LNX1: variants seen among roughly 807,000 people sequenced by gnomAD.
LNX1 encodes E3 ubiquitin-protein ligase LNX.
LNX1 carries 54 observed loss-of-function variants against 68.4 expected under a neutral mutation model. That is an observed-to-expected ratio of 0.79 (90% CI 0.63 to 0.99). LNX1 has a LOEUF of 0.99. Ranked by LOEUF, LNX1 falls within the 50% of genes least tolerant of loss-of-function variation. The probability of loss-of-function intolerance (pLI) is 0.00; values close to 1 mark genes in which losing one functional copy is unlikely to be tolerated. For missense variants in LNX1, 906 were observed against 926.4 expected (o/e 0.98, Z 0.29); for synonymous variants, 336 against 350.0 (o/e 0.96, Z 0.45).
chr4:53,594,002 A>G (rs1732635716), upstream of LNX1: 1 of 149,650 alleles, frequency 6.7e-6, no homozygotes, highest in Non-Finnish European at 1.5e-5. Flanking sequence ...TCCTGGACAC[A>G]TTCAGCTTCT....
chr4:53,520,452 C>G (rs1309549723), intron 2 of LNX1, among the ~76,000 whole-genome samples: 1 of 152,158 alleles, frequency 6.6e-6, no homozygotes, highest in East Asian at 1.9e-4. Context: ...ACGCCAGAAT[C>G]GTTTGTTCAT....
At chr4:53,633,238 C>A (rs1734341514) in intron 1 of LNX1, among the ~76,000 whole-genome samples, 1 of 152,178 alleles carries the variant, frequency 6.6e-6, no homozygotes, top group African/African-American at 2.4e-5. Context: ...TGGCACATAA[C>A]AGGGATTCAG....
intron 1 of LNX1, among the ~76,000 whole-genome samples, chr4:53,630,640 C>T (rs546601055): frequency 7.9e-5 from 12 of 152,274 alleles, no homozygotes; most frequent in Non-Finnish European, 1.6e-4. Context: ...TTCAGGCACG[C>T]ATCACAGTGC....
chr4:53,590,417 G>C (rs1200889938), intron 1 of LNX1, among the ~76,000 whole-genome samples: 3 of 152,186 alleles, frequency 2.0e-5, no homozygotes, highest in African/African-American at 7.2e-5. Flanking sequence ...TCTTTTTCCA[G>C]TTTTTCCAGC....
chr4:53,611,937 T>C (rs968611797), intron 2 of LNX1, among the ~76,000 whole-genome samples: 3 of 152,112 alleles, frequency 2.0e-5, no homozygotes, highest in African/African-American at 7.2e-5. Context: ...AGAGATAATA[T>C]AAAAATGCAG....
At chr4:53,552,377 T>C (rs1289737495) in intron 2 of LNX1, among the ~76,000 whole-genome samples, 1 of 152,134 alleles carries the variant, frequency 6.6e-6, no homozygotes, top group East Asian at 1.9e-4. Context: ...TTTTCAAGGA[T>C]GATAGGAACT....
At chr4:53,585,933 G>A (rs562136587) in intron 1 of LNX1, among the ~76,000 whole-genome samples, 66 of 152,154 alleles carry the variant, frequency 4.3e-4, no homozygotes, top group Non-Finnish European at 6.9e-4. Flanking sequence ...TGGGGTGAAT[G>A]CTCCCAACGA....
At chr4:53,621,964 T>C (rs1733896828), upstream of LNX1, among the ~76,000 whole-genome samples, 1 of 152,102 alleles carries the variant, frequency 6.6e-6, no homozygotes, top group Admixed American at 6.5e-5. Context: ...CACCTGCCAA[T>C]AGGTTTTTTT....
chr4:53,561,758 A>G (rs6850277), intron 2 of LNX1, among the ~76,000 whole-genome samples: 91,589 of 151,984 alleles, frequency 0.6, 27,836 homozygotes, highest in East Asian at 0.73. Context: ...TTCACAGCTC[A>G]TTTCAAATTA....
intron 6 of LNX1, among the ~76,000 whole-genome samples, chr4:53,482,931 C>G (rs949663089): frequency 5.3e-5 from 8 of 152,190 alleles, no homozygotes; most frequent in Admixed American, 3.9e-4. Context: ...AGTTACTCTG[C>G]TAATTCTCTC....
chr4:53,541,110 C>T (rs961015986), intron 2 of LNX1, among the ~76,000 whole-genome samples: 1 of 143,334 alleles, frequency 7.0e-6, no homozygotes, highest in African/African-American at 2.6e-5. Flanking sequence ...GCACTCCAGC[C>T]TGGGTGACAG....
intron 6 of LNX1, among the ~76,000 whole-genome samples, chr4:53,486,571 T>C (rs1560621967): frequency 6.6e-6 from 1 of 152,168 alleles, no homozygotes; most frequent in Non-Finnish European, 1.5e-5. Flanking sequence ...GAATGTTTCC[T>C]ACTGCAGGGA....
intron 6 of LNX1, among the ~76,000 whole-genome samples, chr4:53,495,548 C>CTTTTTTT (rs199684639): frequency 1.7e-5 from 2 of 119,414 alleles, no homozygotes; most frequent in East Asian, 2.7e-4. Context: ...CATGGCATAG[C>CTTTTTTT]TTTTTTTTTT....
intron 2 of LNX1, among the ~76,000 whole-genome samples, chr4:53,567,443 C>T (rs1171397467): frequency 2.0e-5 from 3 of 151,990 alleles, no homozygotes; most frequent in Non-Finnish European, 2.9e-5. Flanking sequence ...TTCTTTGAAA[C>T]CAATGAGAAC....
At chr4:53,605,357 A>G (rs1237828625) in intron 2 of LNX1, among the ~76,000 whole-genome samples, 1 of 152,210 alleles carries the variant, frequency 6.6e-6, no homozygotes, top group African/African-American at 2.4e-5. Flanking sequence ...TGTATATTTT[A>G]TTAAAGTGAT....
intron 2 of LNX1, among the ~76,000 whole-genome samples, chr4:53,534,649 A>G (rs1487354927): frequency 2.0e-5 from 3 of 152,208 alleles, no homozygotes; most frequent in African/African-American, 7.2e-5. Context: ...CTCTAAAAAA[A>G]CATAATAATT....
At chr4:53,636,395 A>G (rs1734480227) in intron 1 of LNX1, among the ~76,000 whole-genome samples, 1 of 151,962 alleles carries the variant, frequency 6.6e-6, no homozygotes, top group Admixed American at 6.6e-5. Flanking sequence ...TCACAGGAGA[A>G]ATGCTGGCAG....
At chr4:53,502,146 T>G (rs1011794420) in intron 4 of LNX1, among the ~76,000 whole-genome samples, 4 of 152,096 alleles carry the variant, frequency 2.6e-5, no homozygotes, top group African/African-American at 9.7e-5. Context: ...TAACTGAGAG[T>G]TTACTATATG....
At chr4:53,480,148 A>G (rs1723818690) in intron 7 of LNX1, among the ~76,000 whole-genome samples, 1 of 152,266 alleles carries the variant, frequency 6.6e-6, no homozygotes, top group Non-Finnish European at 1.5e-5. Context: ...GAATATAAAA[A>G]CTGAAATAAT....
Sources: allele counts gnomAD v4.1 joint callset (sites outside exome capture counted in the v4.1 genomes callset), GRCh38; gene constraint gnomAD v4.1.1; transcripts MANE v1.5; gene names NCBI Gene and HGNC (gene_info 2026-07-23, HGNC 2026-07-21).